TRAPPC13: variants seen among roughly 807,000 people sequenced by gnomAD.
The protein encoded by TRAPPC13 is REV7-interacting novel NHEJ regulator 1.
A neutral mutation model predicts 54.0 loss-of-function variants in TRAPPC13; 39 were observed. That is an observed-to-expected ratio of 0.72 (90% CI 0.56 to 0.94). The LOEUF (loss-of-function observed/expected upper bound fraction) is 0.94, where lower values mean the gene tolerates loss of function less well. TRAPPC13 is among the 40% of genes least tolerant of loss of function. TRAPPC13 has a pLI of 0.00. For synonymous variants in TRAPPC13, 148 were observed against 167.7 expected (o/e 0.88, Z 0.91); for missense variants, 386 against 488.1 (o/e 0.79, Z 1.97).
chr5:65,648,387 A>G (rs1485376517), intron 5 of TRAPPC13, among the ~76,000 whole-genome samples: 1 of 97,242 alleles, frequency 1.0e-5, no homozygotes, highest in East Asian at 2.4e-4. Context: ...GTATTTACTT[A>G]TTGAGTGCCT....
chr5:65,627,131 C>CAAAAAA lies in TRAPPC13; in HGVS notation c.46+2046_46+2051dup, dbSNP rs60169195. Reference sequence around the variant, plus strand: ...TGGGTGACAGAGTGAGACCCTGTCTCAAAAAAAAAAAAAAAAAAAAAAAAA... The same window carrying CAAAAAA: ...TGGGTGACAGAGTGAGACCCTGTCTCAAAAAAAAAAAAAAAAAAAAAAAAAAAAAAA... On this transcript the variant is annotated intron_variant, in intron 1 of 12. Transcript: ENST00000399438. Among the ~76,000 whole-genome samples the CAAAAAA allele has an allele frequency of 3.5e-3, 114 of 32,564 alleles. 18 individuals are homozygous for CAAAAAA. The highest frequency in any genetic ancestry group is 5.5e-3 in the African/African-American group (56 of 10,132). 21.4% of individuals were successfully genotyped at this position (32,564 alleles called of 152,430 possible).
At chr5:65,633,453 T>C (rs1305662849) in intron 1 of TRAPPC13, among the ~76,000 whole-genome samples, 1 of 152,038 alleles carries the variant, frequency 6.6e-6, no homozygotes, top group Non-Finnish European at 1.5e-5. Flanking sequence ...GCTAATTTTT[T>C]TTATTTTTAG....
intron 4 of TRAPPC13, among the ~76,000 whole-genome samples, chr5:65,646,255 G>A (rs1324035219): frequency 1.3e-5 from 2 of 152,152 alleles, no homozygotes; most frequent in East Asian, 1.9e-4. Context: ...GAGCATCATC[G>A]GGTGGAGGGA....
At chr5:65,625,173 G>A (rs1432466421) in intron 1 of TRAPPC13, 67 bp downstream of exon 1, 1 of 1,297,398 alleles carries the variant, frequency 7.7e-7, no homozygotes, top group Non-Finnish European at 1.1e-6. Flanking sequence ...CGAAGCCTTT[G>A]CCATGTAGGC....
chr5:65,634,681 A>G (rs1326775190), intron 1 of TRAPPC13, among the ~76,000 whole-genome samples: 1 of 151,968 alleles, frequency 6.6e-6, no homozygotes, highest in South Asian at 2.1e-4. Flanking sequence ...ACTCGAGGTC[A>G]GGAGTTAGGG....
chr5:65,656,962 A>G (rs976153212), intron 8 of TRAPPC13, among the ~76,000 whole-genome samples: 2 of 152,144 alleles, frequency 1.3e-5, no homozygotes, highest in Admixed American at 1.3e-4. Context: ...CTGTAGTCCC[A>G]GCTACTAGGG....
chr5:65,634,228 G>A (rs1387032190), intron 1 of TRAPPC13, among the ~76,000 whole-genome samples: 7 of 152,026 alleles, frequency 4.6e-5, no homozygotes, highest in Middle Eastern at 3.4e-3. Flanking sequence ...CTCGTGATCC[G>A]CCCGCCTTGG....
At chr5:65,640,843 A>G (rs1410732127) in intron 4 of TRAPPC13, among the ~76,000 whole-genome samples, 1 of 152,192 alleles carries the variant, frequency 6.6e-6, no homozygotes, top group Non-Finnish European at 1.5e-5. Flanking sequence ...CACTTTTATA[A>G]TAATAATTAT....
At chr5:65,642,183 C>G (rs1315289282) in intron 4 of TRAPPC13, among the ~76,000 whole-genome samples, 1 of 151,992 alleles carries the variant, frequency 6.6e-6, no homozygotes, top group Non-Finnish European at 1.5e-5. Flanking sequence ...ATTAGCTGGG[C>G]GTGCTGGCGA....
intron 3 of TRAPPC13, among the ~76,000 whole-genome samples, chr5:65,636,498 C>T (rs1316983483): frequency 6.6e-6 from 1 of 151,648 alleles, no homozygotes; most frequent in East Asian, 1.9e-4. Context: ...GTGATTATGG[C>T]TTTCTGTTAT....
chr5:65,655,073 T>C (rs1026004390), intron 7 of TRAPPC13, among the ~76,000 whole-genome samples: 4 of 152,156 alleles, frequency 2.6e-5, no homozygotes, highest in Non-Finnish European at 5.9e-5. Context: ...TGAAGAAATA[T>C]ATAAGTTTTA....
intron 4 of TRAPPC13, among the ~76,000 whole-genome samples, chr5:65,638,472 C>A (rs1437460377): frequency 6.6e-6 from 1 of 152,086 alleles, no homozygotes; most frequent in East Asian, 1.9e-4. Context: ...ATACAGATAA[C>A]AAGGCAAGGG....
chr5:65,636,779 A>C (rs771023324), intron 3 of TRAPPC13, among the ~76,000 whole-genome samples: 1 of 152,216 alleles, frequency 6.6e-6, no homozygotes, highest in Non-Finnish European at 1.5e-5. Context: ...GATTAATAAT[A>C]AGGTAGAAGC....
At chr5:65,657,122 C>T (rs530503752) in intron 8 of TRAPPC13, among the ~76,000 whole-genome samples, 2 of 152,062 alleles carry the variant, frequency 1.3e-5, no homozygotes, top group South Asian at 4.2e-4. Flanking sequence ...TGGCTCACAC[C>T]TCTAATCCCA....
chr5:65,658,212 T>C, intron 8 of TRAPPC13, 156 bp from the exon 9 acceptor site: 1 of 640,396 alleles, frequency 1.6e-6, no homozygotes, highest in Non-Finnish European at 2.4e-6. Context: ...GGTGAAGATT[T>C]CTTTTCTTGC....
chr5:65,660,445 G>A (rs926159919), intron 9 of TRAPPC13, among the ~76,000 whole-genome samples: 3 of 150,158 alleles, frequency 2.0e-5, no homozygotes, highest in Admixed American at 1.3e-4. Flanking sequence ...AAAAAAAAAA[G>A]GGACCCCTGC....
intron 5 of TRAPPC13, among the ~76,000 whole-genome samples, chr5:65,649,141 A>G (rs1756323920): frequency 6.6e-6 from 1 of 152,166 alleles, no homozygotes; most frequent in Non-Finnish European, 1.5e-5. Flanking sequence ...GCTTGAGCCC[A>G]GGAGGTCAAG....
intron 4 of TRAPPC13, among the ~76,000 whole-genome samples, chr5:65,645,884 A>G (rs913113319): frequency 3.3e-5 from 5 of 152,058 alleles, no homozygotes; most frequent in Admixed American, 2.6e-4. Flanking sequence ...AAAAACCTCC[A>G]CTAATTCCCA....
rs370220370 is a variant in TRAPPC13, at chr5:65,664,399, C to A, written c.1146+15C>A. ...AGGGACTGCAAGTATGCTGTCTTTT[C>A]AAAAATTCCAATATTTGGGTGCTGT... On this transcript the variant is annotated intron_variant, in intron 12 of 12. Transcript: ENST00000399438. The A allele has an allele frequency of 2.5e-6, 4 of 1,605,666 alleles. No individual in the cohort carries two copies. Among genetic ancestry groups the A allele is most frequent in the African/African-American group, 1.3e-5 (1 of 74,434 alleles).
Sources: allele counts gnomAD v4.1 joint callset (sites outside exome capture counted in the v4.1 genomes callset), GRCh38; gene constraint gnomAD v4.1.1; transcripts MANE v1.5; gene names NCBI Gene and HGNC (gene_info 2026-07-23, HGNC 2026-07-21).